The following ZNF324 variants were observed in gnomAD, a reference collection of about 807,000 sequenced individuals.
ZNF324 encodes zinc finger protein 324A.
A neutral mutation model predicts 10.3 loss-of-function variants in ZNF324; 3 were observed. That is an observed-to-expected ratio of 0.29 (90% CI 0.13 to 0.75). The LOEUF (loss-of-function observed/expected upper bound fraction) is 0.75. Among genes scored for constraint, ZNF324 ranks in the 30% least tolerant of loss-of-function variants. The pLI is 0.69. For synonymous variants in ZNF324, 430 were observed against 339.5 expected (o/e 1.27, Z -2.93); for missense variants, 763 against 784.4 (o/e 0.97, Z 0.33).
Position 58,472,020 on chromosome 19 carries a change from C to A in ZNF324, c.1528C>A (p.Arg510=), listed in dbSNP as rs762648210. The change falls in exon 4 of 4, where the codon CGG becomes AGG. Residue 510 remains arginine (R), a synonymous_variant. Coordinates refer to ENST00000196482, the MANE Select transcript of ZNF324 (RefSeq NM_014347.3). ...QRIHTGEKTV[R]RSRASLHPQA... is the part of the protein sequence containing the mutation. Reference sequence around the variant, plus strand: ...GATCCATACCGGCGAGAAGACCGTCCGGCGATCCAGGGCCAGCCTGCACCC... The same window carrying A: ...GATCCATACCGGCGAGAAGACCGTCAGGCGATCCAGGGCCAGCCTGCACCC... 1 of 1,607,320 alleles carries A rather than the reference C, an allele frequency of 6.2e-7. No individual in the cohort carries two copies. Among genetic ancestry groups the A allele is most frequent in the Non-Finnish European group, 8.5e-7 (1 of 1,179,718 alleles).
rs994613264 is a variant in ZNF324 at position 58,475,312 on chromosome 19, G to A, written c.*3158G>A. On this transcript the variant is annotated 3_prime_UTR_variant, in exon 4 of 4. Coordinates refer to ENST00000196482, the MANE Select transcript of ZNF324 (RefSeq NM_014347.3). ...AATGGCTCGGCCACTTTTAAGTGTG[G>A]AAGCAAAACTGACCCCACAGATTTA... The A allele has an allele frequency of 6.6e-6, 1 of 152,224 alleles. No individual in the cohort carries two copies. The highest frequency in any genetic ancestry group is 1.5e-5 in the Non-Finnish European group (1 of 68,044). The allele number at this position is 152,224 out of a possible 1,614,324, so 9.4% of individuals were successfully genotyped here. A position where few individuals can be genotyped will look rare whatever the true frequency, so the allele number is the denominator to read the frequency against.
At position 58,471,448 on chromosome 19, in the gene ZNF324, G is replaced by A; in HGVS notation, c.956G>A (p.Gly319Asp). The part of the protein sequence containing the change: ...GETPYACPVC[G>D]KAFRHSSSLV... ...ACGCCCTACGCGTGCCCCGTGTGCG[G>A]CAAGGCCTTCCGGCATAGCTCCTCG... Residue 319 changes from glycine to aspartate, a missense_variant, in exon 4 of 4, where the codon GGC (glycine) becomes GAC (aspartate). Around this residue, in one of 3 missense-constraint regions of ZNF324, gnomAD observed 153 missense variants for 269.0 expected, o/e 0.57. Transcript: ENST00000196482. 4 of 1,603,636 alleles carry A rather than the reference G, an allele frequency of 2.5e-6. No homozygotes were observed. The highest frequency in any genetic ancestry group is 3.4e-6 in the Non-Finnish European group (4 of 1,174,004).
In ZNF324 at chr19:58,470,945, A is replaced by G. The variant is rs776855483; in HGVS notation, c.453A>G (p.Ser151=). ...VIYWERLLLG[S]GSGQASVSLR... The stretch of plus-strand genomic sequence containing the variant: ...ACTGGGAGAGGCTCCTGCTAGGCTC[A>G]GGCAGTGGGCAAGCCAGCGTCAGCC... The change falls in exon 4 of 4, where the codon TCA becomes TCG. Residue 151 remains serine (S), a synonymous_variant. Coordinates refer to ENST00000196482, the MANE Select transcript of ZNF324 (RefSeq NM_014347.3). 2 of 1,614,208 alleles carry G rather than the reference A, an allele frequency of 1.2e-6. No homozygotes were observed. Among genetic ancestry groups the G allele is most frequent in the East Asian group, 4.5e-5 (2 of 44,878 alleles).
chr19:58,471,197 C>T lies in ZNF324; in HGVS notation c.705C>T (p.Leu235=), dbSNP rs750917685. ...GAVWQEPHRL[L]GGQEPSTWDE... is the part of the protein sequence containing the mutation. The stretch of plus-strand genomic sequence containing the variant: ...TTTGGCAGGAGCCTCATAGACTCCT[C>T]GGTGGCCAGGAGCCCTCGACCTGGG... The change falls in exon 4 of 4, where the codon CTC becomes CTT. Residue 235 remains leucine (L), a synonymous_variant. Transcript: ENST00000196482. The T allele has an allele frequency of 8.1e-6, 13 of 1,613,248 alleles. No individual in the cohort carries two copies. Among genetic ancestry groups the T allele is most frequent in the African/African-American group, 6.7e-5 (5 of 74,924 alleles).
Position 58,469,666 on chromosome 19 carries a change from C to T in ZNF324, c.122-62C>T. On this transcript the variant is annotated intron_variant, in intron 2 of 3. Transcript: ENST00000196482. ...TCCGTGAAGCCCTGACTCCTGCCCT[C>T]TGTTTGGAGGTGGGTTATCTTGAGC... The T allele has an allele frequency of 1.5e-6, 2 of 1,371,498 alleles. 1 individual carries two copies. The highest frequency in any genetic ancestry group is 2.0e-6 in the Non-Finnish European group (2 of 984,076). 85.0% of individuals were successfully genotyped at this position (1,371,498 alleles called of 1,614,324 possible).
chr19:58,471,996 A>G lies in ZNF324; in HGVS notation c.1504A>G (p.Ile502Val), dbSNP rs780393567. ...ERPALFHHQR[I>V]HTGEKTVRRS... ...CCCGGCCCTCTTCCACCACCAGAGG[A>G]TCCATACCGGCGAGAAGACCGTCCG... The change falls in exon 4 of 4, where the codon ATC becomes GTC. Residue 502 changes from isoleucine to valine, a missense_variant. By Grantham distance (29) the Ile-to-Val change is conservative. This residue lies in a region of ZNF324 where 231 missense variants were observed against 196.0 expected (regional missense o/e 1.18). Transcript: ENST00000196482. The G allele has an allele frequency of 5.0e-6, 8 of 1,608,668 alleles. No homozygotes were observed. The African/African-American group carries it at 5.3e-5, about 11-fold the overall frequency.
Position 58,470,836 on chromosome 19 carries a change from C to G in ZNF324, c.344C>G (p.Ala115Gly). Residue 115 changes from alanine (A) to glycine (G), a missense_variant, in exon 4 of 4, where the codon GCC becomes GGC. Transcript: ENST00000196482. ...MTTSVFPVAGACHSVKSLQRQ... is the reference protein window; with the variant it reads ...MTTSVFPVAGGCHSVKSLQRQ... Reference sequence around the variant, plus strand: ...ACTAGCGTCTTCCCTGTTGCCGGTGCCTGCCACAGTGTAAAAAGCCTGCAG... The same window carrying G: ...ACTAGCGTCTTCCCTGTTGCCGGTGGCTGCCACAGTGTAAAAAGCCTGCAG... 1.9e-6 allele frequency: 3 copies of G among 1,614,230 alleles called. No homozygotes were observed. Among genetic ancestry groups the G allele is most frequent in the Non-Finnish European group, 2.5e-6 (3 of 1,180,044 alleles).
rs1199371380 is a variant in ZNF324 at position 58,474,127 on chromosome 19, C to G, written c.*1973C>G. On this transcript the variant is annotated 3_prime_UTR_variant, in exon 4 of 4. Coordinates refer to ENST00000196482, the MANE Select transcript of ZNF324 (RefSeq NM_014347.3). ...ACCTGTGAAACCTCACAGGTTCCTG[C>G]AGGGAGTGGAGACACACAGAACCTA... is the stretch of plus-strand genomic sequence containing the variant. 1 of 152,226 alleles carries G rather than the reference C, an allele frequency of 6.6e-6. No homozygotes were observed. The highest frequency in any genetic ancestry group is 1.5e-5 in the Non-Finnish European group (1 of 68,054). The allele number at this position is 152,226 out of a possible 1,614,324, so 9.4% of individuals were successfully genotyped here.
At position 58,469,882 on chromosome 19, in the gene ZNF324, A is replaced by G. The variant is rs367578541; in HGVS notation, c.238+38A>G. 786 of 1,513,392 alleles carry G rather than the reference A, an allele frequency of 5.2e-4. 1 individual carries two copies. The highest frequency in any genetic ancestry group is 7.5e-4 in the Admixed American group (40 of 53,432). The allele number at this position is 1,513,392 out of a possible 1,614,324, so 93.7% of individuals were successfully genotyped here. On this transcript the variant is annotated intron_variant, in intron 3 of 3. Transcript: ENST00000196482. ...TCAGGGTGGGGTGAATTCAGGACCA[A>G]CCTGTGGTCATGCCTCTGTCCCTGG...
Position 58,472,324 on chromosome 19 carries a change from CCA to C in ZNF324, c.*173_*174del. 1 of 681,702 alleles carries C rather than the reference CCA, an allele frequency of 1.5e-6. No individual in the cohort carries two copies. Among genetic ancestry groups the C allele is most frequent in the South Asian group, 2.1e-5 (1 of 48,350 alleles). 42.2% of individuals were successfully genotyped at this position (681,702 alleles called of 1,614,324 possible). On this transcript the variant is annotated 3_prime_UTR_variant, in exon 4 of 4. Coordinates refer to ENST00000196482, the MANE Select transcript of ZNF324 (RefSeq NM_014347.3). ...GTGGGGACAGGATTTGCCAGTTCAC[CCA>C]CAGATCACACCTCCATCCCCAAAGA... is the stretch of plus-strand genomic sequence containing the variant.
Position 58,471,147 on chromosome 19 carries a change from C to A in ZNF324, c.655C>A (p.Arg219=), listed in dbSNP as rs755210491. 20 of 1,613,734 alleles carry A rather than the reference C, an allele frequency of 1.2e-5. No individual in the cohort carries two copies. Among genetic ancestry groups the A allele is most frequent in the Non-Finnish European group, 1.7e-5 (20 of 1,180,036 alleles). The change falls in exon 4 of 4, where the codon CGG becomes AGG. Residue 219 remains arginine, a synonymous_variant. Transcript: ENST00000196482. ...SAQDLEAAGG[R]GHHRMGAVWQ... ...CCAGGACCTGGAGGCTGCCGGCGGT[C>A]GGGGACATCACCGAATGGGTGCAGT...
In ZNF324 at chr19:58,472,402, G is replaced by T; in HGVS notation, c.*248G>T. ...GAGGACGTGGTGGCTGAACTCTAGT[G>T]GGGCCGAGACTATTCAGAGCCAGTA... On this transcript the variant is annotated 3_prime_UTR_variant, in exon 4 of 4. Transcript: ENST00000196482. 1 of 544,050 alleles carries T rather than the reference G, an allele frequency of 1.8e-6. No homozygotes were observed. The highest frequency in any genetic ancestry group is 2.9e-5 in the East Asian group (1 of 34,312). 33.7% of individuals were successfully genotyped at this position (544,050 alleles called of 1,614,324 possible).
Position 58,472,345 on chromosome 19 carries a change from C to T in ZNF324, c.*191C>T. 1.6e-6 allele frequency: 1 copy of T among 619,658 alleles called. No individual in the cohort carries two copies. Among genetic ancestry groups the T allele is most frequent in the Non-Finnish European group, 2.7e-6 (1 of 364,088 alleles). 38.4% of individuals were successfully genotyped at this position (619,658 alleles called of 1,614,324 possible). A position where few individuals can be genotyped will look rare whatever the true frequency, so the allele number is the denominator to read the frequency against. The stretch of plus-strand genomic sequence containing the variant: ...TCACCCACAGATCACACCTCCATCC[C>T]CAAAGAGGTAGCACTGCAGCAACAT... On this transcript the variant is annotated 3_prime_UTR_variant, in exon 4 of 4. Coordinates refer to ENST00000196482, the MANE Select transcript of ZNF324 (RefSeq NM_014347.3).
At chr19:58,470,430 G>A in intron 3 of ZNF324, 1 of 510,488 alleles carries the variant, frequency 2.0e-6, no homozygotes, top group South Asian at 2.0e-5. Flanking sequence ...GAGTGTGGGT[G>A]GAATAGCCAG....
Position 58,473,387 on chromosome 19 carries a change from C to T in ZNF324, c.*1233C>T, listed in dbSNP as rs1167497969. 1 of 127,734 alleles carries T rather than the reference C, an allele frequency of 7.8e-6. No homozygotes were observed. Among genetic ancestry groups the T allele is most frequent in the Non-Finnish European group, 1.6e-5 (1 of 63,804 alleles). 7.9% of individuals were successfully genotyped at this position (127,734 alleles called of 1,614,324 possible). On this transcript the variant is annotated 3_prime_UTR_variant, in exon 4 of 4. Coordinates refer to ENST00000196482, the MANE Select transcript of ZNF324 (RefSeq NM_014347.3). Reference sequence around the variant, plus strand: ...CCTGTCCCTACCTGGAGCCTCACCTCCAAGGAAATTCATGTTCTCCTTAAT... The same window carrying T: ...CCTGTCCCTACCTGGAGCCTCACCTTCAAGGAAATTCATGTTCTCCTTAAT...
At chr19:58,470,233 C>T (rs1334638285) in intron 3 of ZNF324, among the ~76,000 whole-genome samples, 2 of 152,208 alleles carry the variant, frequency 1.3e-5, no homozygotes, top group African/African-American at 4.8e-5. Flanking sequence ...AATGTAGACA[C>T]AGCCTCAATC....
chr19:58,470,453 T>C (rs1048270274), intron 3 of ZNF324: 5 of 572,760 alleles, frequency 8.7e-6, no homozygotes, highest in African/African-American at 5.6e-5. Context: ...TGGAGATGTA[T>C]GCAGCATACA....
chr19:58,470,633 G>A (rs1375532948), intron 3 of ZNF324, 98 bp from the exon 4 acceptor site: 2 of 1,484,508 alleles, frequency 1.3e-6, no homozygotes, highest in South Asian at 1.1e-5. Flanking sequence ...CTAAGCTTTT[G>A]TGCCAGCTCC....
Position 58,470,855 on chromosome 19 carries a change from C to A in ZNF324, c.363C>A (p.Ser121Arg). 6.2e-7 allele frequency: 1 copy of A among 1,614,242 alleles called. No homozygotes were observed. Among genetic ancestry groups the A allele is most frequent in the Non-Finnish European group, 8.5e-7 (1 of 1,180,046 alleles). Residue 121 changes from serine (S) to arginine (R), a missense_variant, in exon 4 of 4, where the codon AGC becomes AGA. Transcript: ENST00000196482. Reference sequence around the variant, plus strand: ...CCGGTGCCTGCCACAGTGTAAAAAGCCTGCAGAGACAACGGGGTGCCTCCC... The same window carrying A: ...CCGGTGCCTGCCACAGTGTAAAAAGACTGCAGAGACAACGGGGTGCCTCCC... ...PVAGACHSVK[S>R]LQRQRGASPS... is the part of the protein sequence containing the mutation.
Sources: gnomAD v4.1 joint callset for allele counts (sites outside exome capture counted in the v4.1 genomes callset) on GRCh38, gnomAD v4.1.1 for gene constraint, gnomAD v4.1.1 regional missense constraint, MANE v1.5 for transcripts, NCBI Gene and HGNC (gene_info 2026-07-23, HGNC 2026-07-21) for gene names.